Variants in PAK5 observed in about 807,000 individuals in gnomAD.
The protein encoded by PAK5 is serine/threonine-protein kinase PAK 5.
In PAK5, 16 loss-of-function variants were observed where a neutral mutation model predicts 65.9. The observed-to-expected ratio is 0.24, with a 90% CI of 0.16 to 0.37. The LOEUF (loss-of-function observed/expected upper bound fraction) is 0.37. PAK5 is among the 10% of genes least tolerant of loss of function. The pLI is 1.00. For missense variants in PAK5, 785 were observed against 903.9 expected, an observed-to-expected ratio of 0.87 and a Z score of 1.69; for synonymous variants, 371 against 354.9, an observed-to-expected ratio of 1.05 and a Z score of -0.51.
At chr20:9,760,577 G>GAA (rs5840330) in intron 1 of PAK5, among the ~76,000 whole-genome samples, 2 of 119,984 alleles carry the variant, frequency 1.7e-5, no homozygotes, top group Non-Finnish European at 1.8e-5. Flanking sequence ...TGATGGTTGA[G>GAA]AAAAAAAAAA....
chr20:9,636,018 C>A (rs552037463), intron 3 of PAK5, among the ~76,000 whole-genome samples: 1 of 152,262 alleles, frequency 6.6e-6, no homozygotes, highest in African/African-American at 2.4e-5. Context: ...AGAAATAACT[C>A]CTTCTGGCTT....
chr20:9,751,892 C>T (rs6118715), intron 1 of PAK5, among the ~76,000 whole-genome samples: 111,393 of 152,088 alleles, frequency 0.73, 40,998 homozygotes, highest in East Asian at 0.86. Context: ...CTCTGTAAGA[C>T]ATCAACAAAC....
intron 2 of PAK5, among the ~76,000 whole-genome samples, chr20:9,647,531 C>T (rs1226751714): frequency 1.3e-5 from 2 of 152,202 alleles, no homozygotes; most frequent in East Asian, 1.9e-4. Flanking sequence ...TTCCCTCTCT[C>T]ATTGTGAATT....
chr20:9,808,347 C>T (rs946195524), intron 1 of PAK5, among the ~76,000 whole-genome samples: 3 of 152,050 alleles, frequency 2.0e-5, no homozygotes, highest in Non-Finnish European at 4.4e-5. Flanking sequence ...ACAGTTTGGC[C>T]GTTCCTCAAC....
At chr20:9,554,511 T>A (rs2045477954) in intron 7 of PAK5, among the ~76,000 whole-genome samples, 1 of 152,174 alleles carries the variant, frequency 6.6e-6, no homozygotes, top group Admixed American at 6.5e-5. Flanking sequence ...TAACCACAAG[T>A]CAGAGCAGCA....
intron 2 of PAK5, among the ~76,000 whole-genome samples, chr20:9,667,843 T>C (rs1395948900): frequency 6.6e-6 from 1 of 152,210 alleles, no homozygotes; most frequent in African/African-American, 2.4e-5. Flanking sequence ...AAATGAGAAA[T>C]TGTTGCATGC....
chr20:9,548,533 C>T (rs1265047865), intron 7 of PAK5, among the ~76,000 whole-genome samples: 1 of 152,134 alleles, frequency 6.6e-6, no homozygotes, highest in Non-Finnish European at 1.5e-5. Flanking sequence ...TTTTCTGGTG[C>T]TGATTTTCCA....
intron 3 of PAK5, among the ~76,000 whole-genome samples, chr20:9,635,237 C>T (rs1600175084): frequency 1.3e-5 from 2 of 152,154 alleles, no homozygotes. Context: ...TTGACTAACA[C>T]ACCTCTAACA....
At chr20:9,695,270 G>A (rs2047852975) in intron 2 of PAK5, among the ~76,000 whole-genome samples, 1 of 151,860 alleles carries the variant, frequency 6.6e-6, no homozygotes, top group African/African-American at 2.4e-5. Context: ...ATAAATTCTG[G>A]ATATGTCGAA....
intron 1 of PAK5, among the ~76,000 whole-genome samples, chr20:9,755,037 G>T (rs189327773): frequency 2.6e-5 from 4 of 152,144 alleles, no homozygotes; most frequent in African/African-American, 9.7e-5. Context: ...ATGTGTTAAC[G>T]AAGATGTTTA....
At chr20:9,579,967 C>T (rs534503359) in intron 4 of PAK5, among the ~76,000 whole-genome samples, 178 bp downstream of exon 4, 1 of 152,162 alleles carries the variant, frequency 6.6e-6, no homozygotes, top group South Asian at 2.1e-4. Context: ...AATATATATG[C>T]CTTATCCTAA....
intron 3 of PAK5, among the ~76,000 whole-genome samples, chr20:9,623,045 T>C (rs1341715312): frequency 6.6e-6 from 1 of 152,232 alleles, no homozygotes; most frequent in Non-Finnish European, 1.5e-5. Flanking sequence ...GTGCTGTATG[T>C]ATAAAATGAG....
intron 2 of PAK5, among the ~76,000 whole-genome samples, chr20:9,669,455 A>G (rs1237022929): frequency 6.6e-6 from 1 of 152,158 alleles, no homozygotes; most frequent in Non-Finnish European, 1.5e-5. Context: ...ATTTAGGTGC[A>G]ATCATATCAA....
intron 2 of PAK5, among the ~76,000 whole-genome samples, chr20:9,651,036 C>G (rs2047196255): frequency 6.6e-6 from 1 of 152,164 alleles, no homozygotes; most frequent in Non-Finnish European, 1.5e-5. Flanking sequence ...AGAATTTTAT[C>G]AAACAATCTT....
chr20:9,545,177 T>C (rs1288102163), intron 7 of PAK5, among the ~76,000 whole-genome samples: 1 of 152,162 alleles, frequency 6.6e-6, no homozygotes, highest in Non-Finnish European at 1.5e-5. Context: ...GTGGTCATCC[T>C]AAGGGCTCAG....
intron 7 of PAK5, among the ~76,000 whole-genome samples, chr20:9,554,096 A>G (rs2122938538): frequency 6.6e-6 from 1 of 152,340 alleles, no homozygotes; most frequent in East Asian, 1.9e-4. Flanking sequence ...ATCTTCAAAC[A>G]GGAAGAGAAC....
intron 1 of PAK5, among the ~76,000 whole-genome samples, chr20:9,753,515 G>C (rs771888852): frequency 6.6e-6 from 1 of 151,972 alleles, no homozygotes; most frequent in Non-Finnish European, 1.5e-5. Context: ...TCACAGAGGA[G>C]TATTTTTTTC....
chr20:9,769,725 C>T (rs2048812209), intron 1 of PAK5, among the ~76,000 whole-genome samples: 1 of 152,184 alleles, frequency 6.6e-6, no homozygotes, highest in Non-Finnish European at 1.5e-5. Flanking sequence ...AATGCTCCAA[C>T]AAAGGTGATG....
At chr20:9,768,430 C>A (rs2048794533) in intron 1 of PAK5, among the ~76,000 whole-genome samples, 1 of 151,698 alleles carries the variant, frequency 6.6e-6, no homozygotes, top group Non-Finnish European at 1.5e-5. Context: ...ACTCATGGAA[C>A]AAACCTGTAT....
Sources: allele counts gnomAD v4.1 joint callset (sites outside exome capture counted in the v4.1 genomes callset), GRCh38; gene constraint gnomAD v4.1.1; transcripts MANE v1.5; gene names NCBI Gene and HGNC (gene_info 2026-07-23, HGNC 2026-07-21).